Variants in LRRIQ4 observed in about 807,000 individuals in gnomAD.
LRRIQ4 encodes the protein leucine-rich repeat and IQ domain-containing protein 4.
A neutral mutation model predicts 40.1 loss-of-function variants in LRRIQ4; 21 were observed. The ratio of observed to expected loss-of-function variants is 0.52; its 90% CI spans 0.37 to 0.75. The LOEUF is 0.75. Among genes scored for constraint, LRRIQ4 ranks in the 30% least tolerant of loss-of-function variants. The pLI is 0.00. For synonymous variants in LRRIQ4, 277 were observed against 277.1 expected (o/e 1.00, Z 0.00); for missense variants, 655 against 660.0 (o/e 0.99, Z 0.08).
chr3:169,814,660 T>A (rs1486865403), intron 1 of LRRIQ4, among the ~76,000 whole-genome samples: 1 of 152,098 alleles, frequency 6.6e-6, no homozygotes, highest in Non-Finnish European at 1.5e-5. Flanking sequence ...TAATTTTGTA[T>A]TTTTAGTAGA....
At chr3:169,819,084 A>G (rs77351214) in intron 1 of LRRIQ4, among the ~76,000 whole-genome samples, 2,382 of 152,326 alleles carry the variant, frequency 0.016, 65 homozygotes, top group African/African-American at 0.054. Context: ...ATTTAATTTA[A>G]AAATCACCCG....
At chr3:169,825,166 C>G (rs1780015394) in intron 2 of LRRIQ4, among the ~76,000 whole-genome samples, 1 of 151,992 alleles carries the variant, frequency 6.6e-6, no homozygotes. Flanking sequence ...TGCCACCACG[C>G]CCGGCTAATT....
At chr3:169,830,719 A>G (rs59556182) in intron 4 of LRRIQ4, 89 bp downstream of exon 4, 28 of 1,484,158 alleles carry the variant, frequency 1.9e-5, no homozygotes, top group Non-Finnish European at 2.4e-5. Context: ...CTAAAGACCT[A>G]TCTCAGTGTT....
At chr3:169,814,992 A>G (rs1021037393) in intron 1 of LRRIQ4, among the ~76,000 whole-genome samples, 3 of 152,168 alleles carry the variant, frequency 2.0e-5, no homozygotes, top group South Asian at 2.1e-4. Flanking sequence ...CCATTGGTCT[A>G]TGTATCTATT....
In LRRIQ4 at chr3:169,833,150, G is replaced by C; in HGVS notation, c.1497G>C (p.Lys499Asn). 1 of 1,613,350 alleles carries C rather than the reference G, an allele frequency of 6.2e-7. No individual in the cohort carries two copies. The highest frequency in any genetic ancestry group is 1.1e-5 in the South Asian group (1 of 90,878). Residue 499 changes from lysine (K) to asparagine (N), a missense_variant, in exon 5 of 6, where the codon AAG becomes AAC. Coordinates refer to ENST00000340806, the MANE Select transcript of LRRIQ4 (RefSeq NM_001080460.3). ...ATGAGGCCATATGGAAATACCTCAA[G>C]GAAAACAGAAACAGGAATATAATGG... is the stretch of plus-strand genomic sequence containing the variant. Reference protein sequence around the residue: ...EGNEAIWKYLKENRNRNIMAT... With the variant: ...EGNEAIWKYLNENRNRNIMAT...
intron 4 of LRRIQ4, among the ~76,000 whole-genome samples, chr3:169,831,952 C>A (rs1455825160): frequency 2.8e-5 from 4 of 142,572 alleles, no homozygotes; most frequent in African/African-American, 5.3e-5. Context: ...GTTAACAGGG[C>A]AAGACTCCGT....
Position 169,822,594 on chromosome 3 carries a change from G to T in LRRIQ4, c.673G>T (p.Val225Phe), listed in dbSNP as rs776181036. The T allele has an allele frequency of 1.9e-6, 3 of 1,613,842 alleles. No individual in the cohort carries two copies. The highest frequency in any genetic ancestry group is 2.2e-5 in the East Asian group (1 of 44,890). Residue 225 changes from valine (V) to phenylalanine (F), a missense_variant, in exon 2 of 6, where the codon GTT (valine) becomes TTT (phenylalanine). Transcript: ENST00000340806. ...KFYMASNNLP[V>F]LPASLCQCSQ... ...CTATATGGCTTCTAACAACCTTCCC[G>T]TTCTGCCCGCGTCCTTGTGCCAGTG...
At chr3:169,820,629 C>T (rs558566279) in intron 1 of LRRIQ4, among the ~76,000 whole-genome samples, 29 of 151,786 alleles carry the variant, frequency 1.9e-4, no homozygotes, top group African/African-American at 7.0e-4. Context: ...CTCCGCCCCC[C>T]GGGTTCACGA....
intron 1 of LRRIQ4, among the ~76,000 whole-genome samples, chr3:169,820,942 A>G (rs1779873803): frequency 6.6e-6 from 1 of 152,252 alleles, no homozygotes; most frequent in Non-Finnish European, 1.5e-5. Context: ...GGGCTACTCC[A>G]GATTCTAATC....
Position 169,822,692 on chromosome 3 carries a change from G to A in LRRIQ4, c.771G>A (p.Arg257=), listed in dbSNP as rs369938149. Residue 257 remains arginine, a synonymous_variant, in exon 2 of 6, where the codon AGG becomes AGA. Coordinates refer to ENST00000340806, the MANE Select transcript of LRRIQ4 (RefSeq NM_001080460.3). ...TCCCGAAGAGCTTCGCCGAGCTCAGGAAGATGACGGAAATCGGGCTGAGCG... is the reference window on the plus strand; with the variant it reads ...TCCCGAAGAGCTTCGCCGAGCTCAGAAAGATGACGGAAATCGGGCTGAGCG... ...HSIPKSFAEL[R]KMTEIGLSGN... 1 of 1,613,866 alleles carries A rather than the reference G, an allele frequency of 6.2e-7. No individual in the cohort carries two copies. Among genetic ancestry groups the A allele is most frequent in the Non-Finnish European group, 8.5e-7 (1 of 1,179,910 alleles).
intron 5 of LRRIQ4, among the ~76,000 whole-genome samples, chr3:169,835,750 TCTC>T (rs1780290397): frequency 1.3e-5 from 2 of 152,068 alleles, no homozygotes; most frequent in African/African-American, 2.4e-5. Flanking sequence ...TCACTCCCCA[TCTC>T]CTCTTTCCTA....
chr3:169,824,398 A>G (rs1779993407), intron 2 of LRRIQ4, among the ~76,000 whole-genome samples: 1 of 152,128 alleles, frequency 6.6e-6, no homozygotes, highest in South Asian at 2.1e-4. Context: ...ACTGAACTTA[A>G]TTGCAGTATT....
chr3:169,830,214 G>C (rs1040578248), intron 3 of LRRIQ4, among the ~76,000 whole-genome samples: 1 of 151,008 alleles, frequency 6.6e-6, no homozygotes, highest in Non-Finnish European at 1.5e-5. Flanking sequence ...TTTCCATAAA[G>C]TTCTGGTGAA....
At chr3:169,837,393 A>G in intron 5 of LRRIQ4, 86 bp from the exon 6 acceptor site, 1 of 1,399,214 alleles carries the variant, frequency 7.1e-7, no homozygotes, top group Non-Finnish European at 9.6e-7. Flanking sequence ...CGTCTTCAAG[A>G]CCATGTATCA....
chr3:169,826,215 A>G (rs1780037122), intron 2 of LRRIQ4, among the ~76,000 whole-genome samples: 1 of 152,106 alleles, frequency 6.6e-6, no homozygotes, highest in South Asian at 2.1e-4. Flanking sequence ...AACGTGGCGA[A>G]ACCCCATCTC....
At chr3:169,833,316 T>C in intron 5 of LRRIQ4, 133 bp downstream of exon 5, 1 of 707,766 alleles carries the variant, frequency 1.4e-6, no homozygotes, top group East Asian at 2.8e-5. Context: ...CTTGGTAACT[T>C]TTATGTCCCC....
chr3:169,822,144 G>A lies in LRRIQ4; in HGVS notation c.223G>A (p.Val75Ile), dbSNP rs764778455. The A allele has an allele frequency of 1.2e-6, 2 of 1,612,936 alleles. No individual in the cohort carries two copies. Among genetic ancestry groups the A allele is most frequent in the South Asian group, 2.2e-5 (2 of 90,776 alleles). Residue 75 changes from valine (V) to isoleucine (I), a missense_variant, in exon 2 of 6, where the codon GTC becomes ATC. By Grantham distance (29) the Val-to-Ile change is conservative (BLOSUM62 3). Coordinates refer to ENST00000340806, the MANE Select transcript of LRRIQ4 (RefSeq NM_001080460.3). ...GATTCAGCGTTTAAAGAACATCAGG[G>A]TCCTCTACCTGGATAAGAACAACCT... The part of the protein sequence containing the change: ...QEIQRLKNIR[V>I]LYLDKNNLRS...
rs192477752 is a variant in LRRIQ4 at position 169,823,619 on chromosome 3, T to C, written c.1020+678T>C. On this transcript the variant is annotated intron_variant, in intron 2 of 5. Transcript: ENST00000340806. The stretch of plus-strand genomic sequence containing the variant: ...CCTCGGCCTCCCAAAGTGCTGGGAT[T>C]ACAAGCGTGAGCCACCGCGCACGGC... Among the ~76,000 whole-genome samples the C allele has an allele frequency of 8.7e-3, 1,322 of 152,288 alleles. 9 individuals carry two copies. The highest frequency in any genetic ancestry group is 0.013 in the Non-Finnish European group (907 of 68,024).
At chr3:169,833,855 GAGTCA>G (rs1242095505) in intron 5 of LRRIQ4, among the ~76,000 whole-genome samples, 4 of 152,154 alleles carry the variant, frequency 2.6e-5, no homozygotes, top group Non-Finnish European at 4.4e-5. Context: ...CTCAGAGTAA[GAGTCA>G]AGTCTTCAGT....
Sources: allele counts gnomAD v4.1 joint callset (sites outside exome capture counted in the v4.1 genomes callset), GRCh38; gene constraint gnomAD v4.1.1; transcripts MANE v1.5; gene names NCBI Gene and HGNC (gene_info 2026-07-23, HGNC 2026-07-21).